CFAP54: variants seen among roughly 807,000 people sequenced by gnomAD.
CFAP54 encodes cilia and flagella associated protein 54.
CFAP54 carries 290 observed loss-of-function variants against 370.4 expected under a neutral mutation model. The observed-to-expected ratio is 0.78, with a 90% CI of 0.71 to 0.86. The LOEUF is 0.86. Ranked by LOEUF, CFAP54 falls within the 40% of genes least tolerant of loss-of-function variation. The pLI, the probability that CFAP54 is intolerant of heterozygous loss-of-function variation, is 0.00. For missense variants in CFAP54, 3,399 were observed against 3,528.7 expected (o/e 0.96, Z 0.93); for synonymous variants, 1,206 against 1,236.5 (o/e 0.98, Z 0.52).
At chr12:96,769,101 C>A (rs1958429956) in intron 60 of CFAP54, among the ~76,000 whole-genome samples, 1 of 152,130 alleles carries the variant, frequency 6.6e-6, no homozygotes, top group Non-Finnish European at 1.5e-5. Flanking sequence ...CAATGTGGGG[C>A]CATGTTTAAA....
At chr12:96,665,678 G>A (rs538792762) in intron 39 of CFAP54, among the ~76,000 whole-genome samples, 9 of 152,188 alleles carry the variant, frequency 5.9e-5, no homozygotes, top group East Asian at 3.9e-4. Flanking sequence ...ACTGGTGTAC[G>A]TGTCTCTTTT....
chr12:96,762,986 T>G lies in CFAP54; in HGVS notation c.8041-1165T>G, dbSNP rs190660820. 9.8e-5 allele frequency among the ~76,000 whole-genome samples: 15 copies of G among 152,286 alleles called. No individual in the cohort carries two copies. In the East Asian group the frequency reaches 2.9e-3, roughly 29 times the overall value. ...GCCAGAAGTAAAATAAAGATACTTT[T>G]GTTATTGTTTGTTTTATTCTGCAGG... is the stretch of plus-strand genomic sequence containing the variant. On this transcript the variant is annotated intron_variant, in intron 58 of 67. Transcript: ENST00000524981.
At chr12:96,687,645 T>C (rs573087253) in intron 42 of CFAP54, among the ~76,000 whole-genome samples, 18 of 152,290 alleles carry the variant, frequency 1.2e-4, no homozygotes, top group African/African-American at 4.3e-4. Context: ...AGTAAGAAAG[T>C]ACTGCTTTAA....
intron 36 of CFAP54, among the ~76,000 whole-genome samples, chr12:96,654,728 T>C (rs776224942): frequency 6.6e-6 from 1 of 152,138 alleles, no homozygotes; most frequent in Non-Finnish European, 1.5e-5. Flanking sequence ...GTCTTTGCTA[T>C]CTACCTTTCC....
chr12:96,602,947 C>T (rs1412815984), intron 26 of CFAP54, among the ~76,000 whole-genome samples: 1 of 152,102 alleles, frequency 6.6e-6, no homozygotes, highest in Non-Finnish European at 1.5e-5. Flanking sequence ...GAGCACTTAG[C>T]CCATTTACAT....
At chr12:96,529,961 C>G (rs1955423651) in intron 9 of CFAP54, among the ~76,000 whole-genome samples, 1 of 152,060 alleles carries the variant, frequency 6.6e-6, no homozygotes, top group Admixed American at 6.5e-5. Flanking sequence ...ATTGTTTCTT[C>G]CTTAAGTTTA....
rs1036074212 is a variant in CFAP54 at position 96,691,895 on chromosome 12, T to C, written c.6264+585T>C. On this transcript the variant is annotated intron_variant, in intron 44 of 67. Coordinates refer to ENST00000524981, the MANE Select transcript of CFAP54 (RefSeq NM_001306084.2). ...GCTGGTTGCATTAAAAAAATTAGTA[T>C]GTTCTATTAGAATTGTTGGCCATTT... Among the ~76,000 whole-genome samples the C allele has an allele frequency of 2.0e-5, 3 of 152,174 alleles. No individual in the cohort carries two copies. The East Asian group carries it at 5.8e-4, about 29-fold the overall frequency.
At chr12:96,778,736 CT>C (rs1297408356) in intron 60 of CFAP54, among the ~76,000 whole-genome samples, 1 of 152,080 alleles carries the variant, frequency 6.6e-6, no homozygotes, top group Non-Finnish European at 1.5e-5. Context: ...ATATGAATGT[CT>C]TCAAATTGGA....
intron 32 of CFAP54, among the ~76,000 whole-genome samples, chr12:96,632,238 C>A (rs1489342794): frequency 6.6e-6 from 1 of 151,958 alleles, no homozygotes; most frequent in East Asian, 1.9e-4. Flanking sequence ...CAGTTTGTGG[C>A]TCATCAGTTC....
chr12:96,543,365 G>A (rs1955598897), intron 14 of CFAP54, among the ~76,000 whole-genome samples: 1 of 152,178 alleles, frequency 6.6e-6, no homozygotes, highest in African/African-American at 2.4e-5. Context: ...TGTGAGTTCA[G>A]GGCCTGTTCC....
chr12:96,654,349 A>C (rs1261279559), intron 36 of CFAP54, among the ~76,000 whole-genome samples: 1 of 151,986 alleles, frequency 6.6e-6, no homozygotes, highest in Non-Finnish European at 1.5e-5. Flanking sequence ...AAAATACAAA[A>C]AATTAGCCGG....
chr12:96,535,733 G>T, intron 12 of CFAP54, 133 bp downstream of exon 12: 1 of 510,052 alleles, frequency 2.0e-6, no homozygotes, highest in South Asian at 3.7e-5. Context: ...TAGCATATAG[G>T]ATTAAGTTAG....
At chr12:96,550,620 C>T (rs1227679657) in intron 15 of CFAP54, among the ~76,000 whole-genome samples, 3 of 152,114 alleles carry the variant, frequency 2.0e-5, no homozygotes, top group Admixed American at 2.0e-4. Flanking sequence ...TTAGAGACTT[C>T]TGTTTCTAGC....
chr12:96,513,844 G>C (rs1376726515), intron 5 of CFAP54, among the ~76,000 whole-genome samples: 2 of 152,156 alleles, frequency 1.3e-5, no homozygotes, highest in Admixed American at 1.3e-4. Context: ...ATTTCATTCT[G>C]CTTGAAGTGC....
At chr12:96,640,170 C>T (rs984130908) in intron 32 of CFAP54, among the ~76,000 whole-genome samples, 3 of 152,234 alleles carry the variant, frequency 2.0e-5, no homozygotes, top group Non-Finnish European at 4.4e-5. Flanking sequence ...GATTATATAT[C>T]TAGAAAACCC....
intron 60 of CFAP54, among the ~76,000 whole-genome samples, chr12:96,770,846 C>T (rs1461388223): frequency 6.6e-6 from 1 of 152,216 alleles, no homozygotes; most frequent in African/African-American, 2.4e-5. Context: ...AAATCCTGAT[C>T]TATCCAATTC....
Position 96,742,465 on chromosome 12 carries a change from GT to G in CFAP54, c.7103del (p.Leu2368Ter). Reference protein sequence around the residue: ...SVTENKDDSEFLDPISLNARE... With the variant: ...SVTENKDDSEXLDPISLNARE... ...TCACTGAAAATAAAGATGACAGTGA[GT>G]TTTTAGATCCTATTTCCCTAAATGC... On this transcript the variant is annotated frameshift_variant, in exon 52 of 68. Coordinates refer to ENST00000524981, the MANE Select transcript of CFAP54 (RefSeq NM_001306084.2). LOFTEE classifies it high-confidence loss of function. 6.3e-7 allele frequency: 1 copy of G among 1,594,648 alleles called. No individual in the cohort carries two copies. Among genetic ancestry groups the G allele is most frequent in the Non-Finnish European group, 8.6e-7 (1 of 1,163,708 alleles).
intron 50 of CFAP54, among the ~76,000 whole-genome samples, chr12:96,725,340 CTT>C (rs1273808036): frequency 6.6e-6 from 1 of 151,946 alleles, no homozygotes; most frequent in Non-Finnish European, 1.5e-5. Flanking sequence ...TTTGTATCCT[CTT>C]TTATTTCATT....
intron 27 of CFAP54, among the ~76,000 whole-genome samples, chr12:96,622,237 G>A (rs1956504814): frequency 6.6e-6 from 1 of 152,028 alleles, no homozygotes; most frequent in Non-Finnish European, 1.5e-5. Flanking sequence ...AGTCTTACAA[G>A]AACTTATGCT....
Sources: allele counts gnomAD v4.1 joint callset (sites outside exome capture counted in the v4.1 genomes callset), GRCh38; gene constraint gnomAD v4.1.1; transcripts MANE v1.5; gene names NCBI Gene and HGNC (gene_info 2026-07-23, HGNC 2026-07-21).